The following SMYD3 variants were observed in gnomAD, a reference collection of about 807,000 sequenced individuals.
SMYD3 encodes the protein histone-lysine N-methyltransferase SMYD3.
In SMYD3, 36 loss-of-function variants were observed where a neutral mutation model predicts 57.7. The ratio of observed to expected loss-of-function variants is 0.62; its 90% CI spans 0.48 to 0.82. The LOEUF is 0.82. Among genes scored for constraint, SMYD3 ranks in the 40% least tolerant of loss-of-function variants. SMYD3 has a pLI of 0.00. For synonymous variants in SMYD3, 211 were observed against 195.0 expected (o/e 1.08, Z -0.68); for missense variants, 515 against 538.8 (o/e 0.96, Z 0.44).
At chr1:246,268,719 A>G (rs1351922926) in intron 5 of SMYD3, among the ~76,000 whole-genome samples, 2 of 152,014 alleles carry the variant, frequency 1.3e-5, no homozygotes, top group African/African-American at 4.8e-5. Flanking sequence ...GAAAGAAAAG[A>G]GAAGAGGAAA....
intron 5 of SMYD3, among the ~76,000 whole-genome samples, chr1:246,167,509 T>C (rs1014276830): frequency 6.6e-6 from 1 of 150,946 alleles, no homozygotes; most frequent in African/African-American, 2.4e-5. Context: ...ACGGTTTTTT[T>C]TTCTTTTTTT....
intron 8 of SMYD3, among the ~76,000 whole-genome samples, chr1:245,865,073 A>G (rs1181501741): frequency 6.6e-6 from 1 of 152,234 alleles, no homozygotes; most frequent in Admixed American, 6.5e-5. Flanking sequence ...TTGCTTACTC[A>G]GCACTTGTTG....
chr1:245,759,794 G>A (rs1297758920), intron 11 of SMYD3, among the ~76,000 whole-genome samples: 4 of 152,132 alleles, frequency 2.6e-5, no homozygotes, highest in African/African-American at 9.7e-5. Context: ...AATGGATGCC[G>A]AGGGGAAAGA....
At chr1:245,927,454 C>T (rs1028423075) in intron 7 of SMYD3, among the ~76,000 whole-genome samples, 11 of 152,200 alleles carry the variant, frequency 7.2e-5, no homozygotes, top group Admixed American at 6.5e-4. Flanking sequence ...ACAGTATAAG[C>T]TGTTTGCTTT....
chr1:246,067,761 T>C (rs534232703), intron 5 of SMYD3, among the ~76,000 whole-genome samples: 22 of 152,252 alleles, frequency 1.4e-4, no homozygotes, highest in African/African-American at 5.3e-4. Context: ...CTTATTTCCT[T>C]TGAATGAGAA....
At position 245,867,677 on chromosome 1, in the gene SMYD3, C is replaced by CAT. The variant is rs992891556; in HGVS notation, c.814-3792_814-3791insAT. Among the ~76,000 whole-genome samples the CAT allele has an allele frequency of 7.4e-4, 112 of 152,060 alleles. 3 individuals are homozygous for CAT. In the East Asian group the frequency reaches 0.019, roughly 26 times the overall value. Reference sequence around the variant, plus strand: ...GCGTGTGCGTGCGCGCGCACACACACACACACACACACTCACACACACATT... The same window carrying CAT: ...GCGTGTGCGTGCGCGCGCACACACACATACACACACACACTCACACACACATT... On this transcript the variant is annotated intron_variant, in intron 8 of 11. Transcript: ENST00000490107.
At chr1:246,235,925 T>C (rs1369630229) in intron 5 of SMYD3, among the ~76,000 whole-genome samples, 4 of 152,204 alleles carry the variant, frequency 2.6e-5, no homozygotes. Flanking sequence ...CAGCCACATA[T>C]GGCTAATGAC....
intron 5 of SMYD3, among the ~76,000 whole-genome samples, chr1:245,943,070 A>G (rs1226603057): frequency 1.3e-5 from 2 of 151,978 alleles, no homozygotes; most frequent in African/African-American, 2.4e-5. Context: ...TCACACAACT[A>G]AAAGAACTAG....
intron 1 of SMYD3, among the ~76,000 whole-genome samples, chr1:246,392,583 G>A (rs2066590355): frequency 6.6e-6 from 1 of 151,782 alleles, no homozygotes; most frequent in African/African-American, 2.4e-5. Flanking sequence ...GAATAGCTGG[G>A]ACTACAAGAA....
At chr1:246,045,783 A>C (rs2059953252) in intron 5 of SMYD3, among the ~76,000 whole-genome samples, 1 of 152,216 alleles carries the variant, frequency 6.6e-6, no homozygotes, top group Non-Finnish European at 1.5e-5. Flanking sequence ...ATTTACAAGA[A>C]AAAAATCAAC....
At chr1:246,330,560 G>T (rs771975486) in intron 3 of SMYD3, 23 bp from the exon 4 acceptor site, 1 of 1,571,128 alleles carries the variant, frequency 6.4e-7, no homozygotes, top group East Asian at 2.3e-5. Flanking sequence ...AGGGGAAAAC[G>T]CCAATAACAA....
chr1:246,297,341 G>A (rs1274084967), intron 5 of SMYD3, among the ~76,000 whole-genome samples: 2 of 152,114 alleles, frequency 1.3e-5, no homozygotes, highest in Non-Finnish European at 2.9e-5. Flanking sequence ...ACAGGACACA[G>A]AAAGAGAACA....
chr1:245,964,878 A>G (rs115186278), intron 5 of SMYD3, among the ~76,000 whole-genome samples: 1,733 of 152,234 alleles, frequency 0.011, 17 homozygotes, highest in Non-Finnish European at 0.016. Context: ...TTAGAAAGAG[A>G]ATAAAGAGGG....
At chr1:246,205,501 C>T (rs1558314616) in intron 5 of SMYD3, among the ~76,000 whole-genome samples, 1 of 152,164 alleles carries the variant, frequency 6.6e-6, no homozygotes, top group African/African-American at 2.4e-5. Context: ...CCAGGCATAA[C>T]AGGAATTAGA....
chr1:246,345,724 T>C (rs975847394), intron 2 of SMYD3, among the ~76,000 whole-genome samples: 3 of 152,110 alleles, frequency 2.0e-5, no homozygotes, highest in African/African-American at 7.2e-5. Flanking sequence ...TTCTAAGAAA[T>C]AGCAAAAAGC....
intron 10 of SMYD3, among the ~76,000 whole-genome samples, chr1:245,849,300 G>A (rs1367789235): frequency 6.6e-6 from 1 of 152,176 alleles, no homozygotes; most frequent in Non-Finnish European, 1.5e-5. Context: ...TAAAAGAGGG[G>A]ATTGGATTAT....
intron 1 of SMYD3, among the ~76,000 whole-genome samples, chr1:246,416,248 T>C (rs12078944): frequency 0.047 from 7,218 of 152,242 alleles, 604 homozygotes; most frequent in African/African-American, 0.17. Context: ...CCCAATTTCT[T>C]ACCCATGCGG....
intron 5 of SMYD3, among the ~76,000 whole-genome samples, chr1:246,119,511 C>T (rs1463287562): frequency 2.0e-5 from 3 of 150,834 alleles, no homozygotes; most frequent in African/African-American, 4.9e-5. Context: ...CTCCAGGGTT[C>T]AAGTGATTCT....
chr1:246,175,136 A>C (rs552631364), intron 5 of SMYD3, among the ~76,000 whole-genome samples: 4 of 152,208 alleles, frequency 2.6e-5, no homozygotes, highest in Non-Finnish European at 5.9e-5. Context: ...CCTGTGCCCT[A>C]TGTAGAAAAC....
Sources: allele counts gnomAD v4.1 joint callset (sites outside exome capture counted in the v4.1 genomes callset), GRCh38; gene constraint gnomAD v4.1.1; transcripts MANE v1.5; gene names NCBI Gene and HGNC (gene_info 2026-07-23, HGNC 2026-07-21).